Variants in TNFRSF12A observed in about 807,000 individuals in gnomAD.
The protein encoded by TNFRSF12A is TNF receptor superfamily member 12A.
TNFRSF12A carries 13 observed loss-of-function variants against 15.5 expected under a neutral mutation model. The observed-to-expected ratio is 0.84, with a 90% CI of 0.54 to 1.33. The LOEUF is 1.33. TNFRSF12A is among the 40% of genes most tolerant of loss of function. TNFRSF12A has a pLI of 0.00. For missense variants in TNFRSF12A, 174 were observed against 173.6 expected (o/e 1.00, Z -0.01); for synonymous variants, 89 against 78.4 (o/e 1.14, Z -0.71).
Position 3,022,223 on chromosome 16 carries a change from G to A in TNFRSF12A, c.*397G>A, listed in dbSNP as rs1457906339. 2 of 382,154 alleles carry A rather than the reference G, an allele frequency of 5.2e-6. No homozygotes were observed. Among genetic ancestry groups the A allele is most frequent in the Non-Finnish European group, 9.3e-6 (2 of 215,308 alleles). 23.7% of individuals were successfully genotyped at this position (382,154 alleles called of 1,614,324 possible). On this transcript the variant is annotated 3_prime_UTR_variant, in exon 4 of 4. Transcript: ENST00000326577. ...TTCCACCACGGGGGTCACCCTGGGG[G>A]GTTAGGGACCTATTTTTAACACTAG...
Position 3,022,198 on chromosome 16 carries a change from T to G in TNFRSF12A, c.*372T>G. On this transcript the variant is annotated 3_prime_UTR_variant, in exon 4 of 4. Coordinates refer to ENST00000326577, the MANE Select transcript of TNFRSF12A (RefSeq NM_016639.3). ...CCCCACTCACTCAGATGTCCTGAAA[T>G]TCCACCACGGGGGTCACCCTGGGGG... 12 of 387,002 alleles carry G rather than the reference T, an allele frequency of 3.1e-5. No individual in the cohort carries two copies. Among genetic ancestry groups the G allele is most frequent in the East Asian group, 7.8e-5 (2 of 25,688 alleles). 24.0% of individuals were successfully genotyped at this position (387,002 alleles called of 1,614,324 possible).
Position 3,021,567 on chromosome 16 carries a change from C to G in TNFRSF12A, c.212C>G (p.Pro71Arg), listed in dbSNP as rs1268685347. Residue 71 changes from proline to arginine, a missense_variant, in exon 3 of 4, where the codon CCT becomes CGT. By Grantham distance (103) the Pro-to-Arg change is moderately radical. Transcript: ENST00000326577. ...GTCCCGCCCCCAGGCGCTGCAGCAC[C>G]TCCTGCCCCCTTCCGGCTGCTTTGG... Reference protein sequence around the residue: ...SDFCLGCAAAPPAPFRLLWPI... With the variant: ...SDFCLGCAAARPAPFRLLWPI... 1.9e-6 allele frequency: 3 copies of G among 1,610,502 alleles called. No homozygotes were observed. In the Admixed American group the frequency reaches 5.0e-5, roughly 27 times the overall value.
chr16:3,021,717 T>G, intron 3 of TNFRSF12A, 28 bp downstream of exon 3: 1 of 1,611,774 alleles, frequency 6.2e-7, no homozygotes, highest in Non-Finnish European at 8.5e-7. Context: ...TGCCCAGCCC[T>G]GTCAGCACTC....
chr16:3,021,202 G>A lies in TNFRSF12A; in HGVS notation c.95-13G>A, dbSNP rs756170929. On this transcript the variant is annotated splice_polypyrimidine_tract_variant and intron_variant, in intron 1 of 3. Transcript: ENST00000326577. ...TCCCGCCCCCAGCCTCTGACCCGAG[G>A]CCCCCTCCCCAGGCACCGCCCCCTG... is the stretch of plus-strand genomic sequence containing the variant. The A allele has an allele frequency of 1.0e-5, 15 of 1,477,418 alleles. No homozygotes were observed. The African/African-American group carries it at 2.0e-4, about 20-fold the overall frequency. 91.5% of individuals were successfully genotyped at this position (1,477,418 alleles called of 1,614,324 possible).
intron 2 of TNFRSF12A, 83 bp downstream of exon 2, chr16:3,021,402 T>C: frequency 1.4e-6 from 2 of 1,430,054 alleles, no homozygotes; most frequent in Non-Finnish European, 1.9e-6. Flanking sequence ...GCCGAGAGCT[T>C]TGCATCTGGG....
chr16:3,021,447 G>C (rs1021395628), intron 2 of TNFRSF12A, 108 bp from the exon 3 acceptor site: 2 of 1,428,614 alleles, frequency 1.4e-6, no homozygotes, highest in African/African-American at 2.9e-5. Flanking sequence ...CTGGGAGGGG[G>C]CTCCGGTCAG....
chr16:3,021,353 C>A, intron 2 of TNFRSF12A, 34 bp downstream of exon 2: 3 of 1,519,246 alleles, frequency 2.0e-6, no homozygotes, highest in Non-Finnish European at 2.6e-6. Flanking sequence ...GCCAGCGGAC[C>A]CCAGACTGGG....
At chr16:3,021,494 G>A (rs2072611084) in intron 2 of TNFRSF12A, 61 bp from the exon 3 acceptor site, 1 of 1,509,416 alleles carries the variant, frequency 6.6e-7, no homozygotes, top group Non-Finnish European at 8.8e-7. Flanking sequence ...AGAAGGCTCA[G>A]TCTTAGGGGG....
chr16:3,021,935 A>C lies in TNFRSF12A; in HGVS notation c.*109A>C. On this transcript the variant is annotated 3_prime_UTR_variant, in exon 4 of 4. Coordinates refer to ENST00000326577, the MANE Select transcript of TNFRSF12A (RefSeq NM_016639.3). Reference sequence around the variant, plus strand: ...CGGGAGCCAAGCTCCTCCAACCACAAGGGGGGTGGGGGGCGGTGAATCACC... The same window carrying C: ...CGGGAGCCAAGCTCCTCCAACCACACGGGGGGTGGGGGGCGGTGAATCACC... 44 of 1,222,612 alleles carry C rather than the reference A, an allele frequency of 3.6e-5. No homozygotes were observed. Among genetic ancestry groups the C allele is most frequent in the Non-Finnish European group, 4.5e-5 (39 of 873,116 alleles). 75.7% of individuals were successfully genotyped at this position (1,222,612 alleles called of 1,614,324 possible). A position where few individuals can be genotyped will look rare whatever the true frequency, so the allele number is the denominator to read the frequency against.
At chr16:3,020,797 C>T (rs1453227279) in intron 1 of TNFRSF12A, 23 of 400,034 alleles carry the variant, frequency 5.7e-5, no homozygotes, top group African/African-American at 3.9e-4. Context: ...GGAAGGGGCA[C>T]GCCCCCAGCC....
In TNFRSF12A at chr16:3,021,256, C is replaced by T. The variant is rs765740565; in HGVS notation, c.136C>T (p.Leu46=). 3 of 1,594,648 alleles carry T rather than the reference C, an allele frequency of 1.9e-6. No individual in the cohort carries two copies. Among genetic ancestry groups the T allele is most frequent in the Middle Eastern group, 2.1e-4 (1 of 4,794 alleles). The change falls in exon 2 of 4, where the codon CTG becomes TTG. Residue 46 remains leucine (L), a synonymous_variant. Coordinates refer to ENST00000326577, the MANE Select transcript of TNFRSF12A (RefSeq NM_016639.3). ...CCGCGGCAGCTCCTGGAGCGCGGAC[C>T]TGGACAAGTGCATGGACTGCGCGTC... ...CSRGSSWSAD[L]DKCMDCASCR... is the part of the protein sequence containing the mutation.
At chr16:3,021,388 C>T in intron 2 of TNFRSF12A, 69 bp downstream of exon 2, 1 of 1,444,266 alleles carries the variant, frequency 6.9e-7, no homozygotes, top group Non-Finnish European at 9.2e-7. Context: ...GTGCGCAGAG[C>T]GGGGCCGAGA....
intron 1 of TNFRSF12A, 115 bp downstream of exon 1, chr16:3,020,606 G>A: frequency 1.3e-6 from 1 of 742,180 alleles, no homozygotes; most frequent in Non-Finnish European, 1.9e-6. Context: ...CTGGGGTCAG[G>A]TGGCCTTCAA....
chr16:3,021,720 C>T, intron 3 of TNFRSF12A, 31 bp downstream of exon 3: 1 of 1,611,436 alleles, frequency 6.2e-7, no homozygotes, highest in Non-Finnish European at 8.5e-7. Flanking sequence ...CCAGCCCTGT[C>T]AGCACTCGAC....
At position 3,021,833 on chromosome 16, in the gene TNFRSF12A, GC is replaced by G. The variant is rs767616168; in HGVS notation, c.*12del. On this transcript the variant is annotated 3_prime_UTR_variant, in exon 4 of 4. Transcript: ENST00000326577. ...TGTGGCGCTGATCCAGTGACAATGTGCCCCCTGCCAGCCGGGGCTCGCCCAC... is the reference window on the plus strand; with the variant it reads ...TGTGGCGCTGATCCAGTGACAATGTGCCCCTGCCAGCCGGGGCTCGCCCAC... 4 of 1,612,150 alleles carry G rather than the reference GC, an allele frequency of 2.5e-6. No individual in the cohort carries two copies. Among genetic ancestry groups the G allele is most frequent in the East Asian group, 4.5e-5 (2 of 44,862 alleles).
intron 1 of TNFRSF12A, chr16:3,020,827 C>G (rs1297606380): frequency 2.4e-6 from 1 of 408,942 alleles, no homozygotes; most frequent in African/African-American, 2.1e-5. Context: ...CAGGGTCTAA[C>G]TAGCCCCAGT....
rs773783072 is a variant in TNFRSF12A at position 3,021,331 on chromosome 16, G to A, written c.199+12G>A. The A allele has an allele frequency of 2.6e-6, 4 of 1,559,112 alleles. No individual in the cohort carries two copies. Among genetic ancestry groups the A allele is most frequent in the Non-Finnish European group, 3.4e-6 (4 of 1,159,626 alleles). ...CTTCTGCCTGGGCTGTGAGTGGGGG[G>A]CAGGGCCAGTGGCCAGCGGACCCCA... On this transcript the variant is annotated intron_variant, in intron 2 of 3. Coordinates refer to ENST00000326577, the MANE Select transcript of TNFRSF12A (RefSeq NM_016639.3).
rs1466935997 is a variant in TNFRSF12A at position 3,021,751 on chromosome 16, C to T, written c.335-20C>T. On this transcript the variant is annotated intron_variant, in intron 3 of 3. Coordinates refer to ENST00000326577, the MANE Select transcript of TNFRSF12A (RefSeq NM_016639.3). ...TCGACCTTTTCTCTGCTGCTGACGACCCCACCTCTTATCTTGCAGCCCCCA... is the reference window on the plus strand; with the variant it reads ...TCGACCTTTTCTCTGCTGCTGACGATCCCACCTCTTATCTTGCAGCCCCCA... 3.1e-6 allele frequency: 5 copies of T among 1,611,486 alleles called. No individual in the cohort carries two copies. The African/African-American group carries it at 4.0e-5, about 13-fold the overall frequency.
At position 3,021,251 on chromosome 16, in the gene TNFRSF12A, C is replaced by A; in HGVS notation, c.131C>A (p.Ala44Glu). Residue 44 changes from alanine (A) to glutamate (E), a missense_variant, in exon 2 of 4, where the codon GCG (alanine) becomes GAG (glutamate). Coordinates refer to ENST00000326577, the MANE Select transcript of TNFRSF12A (RefSeq NM_016639.3). ...APCSRGSSWS[A>E]DLDKCMDCAS... is the part of the protein sequence containing the mutation. Reference sequence around the variant, plus strand: ...TGCTCCCGCGGCAGCTCCTGGAGCGCGGACCTGGACAAGTGCATGGACTGC... The same window carrying A: ...TGCTCCCGCGGCAGCTCCTGGAGCGAGGACCTGGACAAGTGCATGGACTGC... 1 of 1,592,538 alleles carries A rather than the reference C, an allele frequency of 6.3e-7. No homozygotes were observed. Among genetic ancestry groups the A allele is most frequent in the Non-Finnish European group, 8.5e-7 (1 of 1,174,908 alleles).
Sources: gnomAD v4.1 joint callset for allele counts on GRCh38, gnomAD v4.1.1 for gene constraint, MANE v1.5 for transcripts, NCBI Gene and HGNC (gene_info 2026-07-23, HGNC 2026-07-21) for gene names.